ESR2: variants seen among roughly 807,000 people sequenced by gnomAD.
ESR2 encodes the protein estrogen receptor 2.
In ESR2, 36 loss-of-function variants were observed where a neutral mutation model predicts 49.6. The observed-to-expected ratio is 0.73, with a 90% confidence interval of 0.56 to 0.96. ESR2 has a LOEUF of 0.96. Ranked by LOEUF, ESR2 falls within the 40% of genes least tolerant of loss-of-function variation. The pLI, the probability that ESR2 is intolerant of heterozygous loss-of-function variation, is 0.00. For missense variants in ESR2, 714 were observed against 693.0 expected (o/e 1.03, Z -0.34); for synonymous variants, 320 against 266.1 (o/e 1.20, Z -1.97).
intron 5 of ESR2, among the ~76,000 whole-genome samples, chr14:64,257,749 G>A (rs2076133227): frequency 7.1e-6 from 1 of 140,114 alleles, no homozygotes; most frequent in African/African-American, 2.6e-5. Flanking sequence ...AGGGGTGGGG[G>A]ATGGGGTAGG....
intron 7 of ESR2, among the ~76,000 whole-genome samples, chr14:64,245,023 G>A (rs889763289): frequency 2.0e-5 from 3 of 152,032 alleles, no homozygotes; most frequent in Non-Finnish European, 2.9e-5. Context: ...TTTTAAGGCG[G>A]GGAGGCAGAT....
intron 4 of ESR2, among the ~76,000 whole-genome samples, chr14:64,266,944 G>A (rs1434740113): frequency 4.6e-5 from 7 of 152,134 alleles, no homozygotes; most frequent in South Asian, 2.1e-4. Context: ...GTAGTGGCGC[G>A]ATCTCGGCTC....
intron 1 of ESR2, among the ~76,000 whole-genome samples, chr14:64,314,832 C>G (rs962448264): frequency 9.6e-5 from 11 of 114,612 alleles, no homozygotes; most frequent in African/African-American, 3.6e-4. Flanking sequence ...GAGCCGAGAT[C>G]ACACTACTGC....
chr14:64,332,105 T>C (rs2077467396), intron 1 of ESR2: 1 of 152,224 alleles, frequency 6.6e-6, no homozygotes, highest in African/African-American at 2.4e-5. Flanking sequence ...CTATTATACA[T>C]CCAGCTATGG....
intron 1 of ESR2, among the ~76,000 whole-genome samples, chr14:64,322,056 AATT>A (rs979421757): frequency 2.0e-5 from 3 of 151,396 alleles, no homozygotes; most frequent in African/African-American, 2.4e-5. Context: ...TAAAAATAAA[AATT>A]ATTATTATTA....
intron 1 of ESR2, among the ~76,000 whole-genome samples, chr14:64,307,979 C>A (rs2077130127): frequency 6.6e-6 from 1 of 151,884 alleles, no homozygotes; most frequent in Non-Finnish European, 1.5e-5. Context: ...TTAACTTACT[C>A]TTTTTCTAAT....
chr14:64,260,188 A>G (rs757083136), intron 5 of ESR2: 1 of 717,618 alleles, frequency 1.4e-6, no homozygotes, highest in South Asian at 1.4e-5. Flanking sequence ...TGGGCCACGC[A>G]CAACTCTTTC....
rs528760968 is a variant in ESR2 at position 64,255,439 on chromosome 14, T to C, written c.1091+1787A>G. 1.2e-3 allele frequency among the ~76,000 whole-genome samples: 176 copies of C among 152,226 alleles called. 1 individual carries two copies. The highest frequency in any genetic ancestry group is 1.9e-3 in the South Asian group (9 of 4,824). Reference sequence around the variant, plus strand: ...GTGGGGAGAGTGGGTTTCTGCAGTGTGTTACAAGTAAAACAGGGCTGTTCT... The same window carrying C: ...GTGGGGAGAGTGGGTTTCTGCAGTGCGTTACAAGTAAAACAGGGCTGTTCT... On this transcript the variant is annotated intron_variant, in intron 6 of 8. Coordinates refer to ENST00000341099, the MANE Select transcript of ESR2 (RefSeq NM_001437.3).
intron 1 of ESR2, among the ~76,000 whole-genome samples, chr14:64,309,607 C>CAAAAAAAAAAAAAAAAAAA (rs545143689): frequency 4.4e-4 from 56 of 125,856 alleles, no homozygotes; most frequent in African/African-American, 1.7e-3. Flanking sequence ...AACTCCATCT[C>CAAAAAAAAAAAAAAAAAAA]AAAAAAAAAA....
At chr14:64,297,159 T>C (rs2076967199), upstream of ESR2, among the ~76,000 whole-genome samples, 3 of 152,206 alleles carry the variant, frequency 2.0e-5, no homozygotes, top group African/African-American at 7.2e-5. Flanking sequence ...CTCCAAAATA[T>C]CCTACAATGG....
At chr14:64,245,664 G>T (rs2075839906) in intron 7 of ESR2, among the ~76,000 whole-genome samples, 1 of 152,108 alleles carries the variant, frequency 6.6e-6, no homozygotes, top group African/African-American at 2.4e-5. Flanking sequence ...TGCTGCAGGG[G>T]AATGCTGTAG....
chr14:64,336,896 A>AT (rs2077538071), intron 1 of ESR2, among the ~76,000 whole-genome samples: 1 of 151,848 alleles, frequency 6.6e-6, no homozygotes, highest in Non-Finnish European at 1.5e-5. Context: ...CTTCATTCAG[A>AT]TTTTTCTCAT....
intron 3 of ESR2, among the ~76,000 whole-genome samples, chr14:64,274,084 T>C (rs1386783947): frequency 6.6e-6 from 1 of 151,936 alleles, no homozygotes; most frequent in African/African-American, 2.4e-5. Flanking sequence ...GGACTACAGA[T>C]GCATACCACC....
At chr14:64,302,422 C>T (rs1329182756) in intron 1 of ESR2, among the ~76,000 whole-genome samples, 3 of 151,718 alleles carry the variant, frequency 2.0e-5, no homozygotes, top group East Asian at 2.0e-4. Context: ...CTCTTGATCT[C>T]GTGATCCACC....
At position 64,228,940 on chromosome 14, in the gene ESR2, G is replaced by T. The variant is rs1303012268; in HGVS notation, c.*4197C>A. Among the ~76,000 whole-genome samples the T allele has an allele frequency of 6.6e-6, 1 of 152,154 alleles. No individual in the cohort carries two copies. The highest frequency in any genetic ancestry group is 1.5e-5 in the Non-Finnish European group (1 of 68,022). ...GTTTGAGAGCTATAAAGAATAAGTG[G>T]CACGTGTTTTCACACTGTAGTATAT... On this transcript the variant is annotated 3_prime_UTR_variant, in exon 9 of 9. Transcript: ENST00000341099.
At chr14:64,243,439 T>G (rs1189491333) in intron 7 of ESR2, among the ~76,000 whole-genome samples, 2 of 152,244 alleles carry the variant, frequency 1.3e-5, no homozygotes, top group African/African-American at 4.8e-5. Flanking sequence ...ACTAACAGAC[T>G]TGTTCAATGC....
At chr14:64,240,337 A>C (rs978827739) in intron 7 of ESR2, among the ~76,000 whole-genome samples, 1 of 152,238 alleles carries the variant, frequency 6.6e-6, no homozygotes, top group African/African-American at 2.4e-5. Flanking sequence ...AAACTCTGCT[A>C]TCCTAACATG....
At chr14:64,338,384 G>C (rs533512379), upstream of ESR2, 35 of 155,162 alleles carry the variant, frequency 2.3e-4, no homozygotes, top group African/African-American at 7.7e-4. Flanking sequence ...AGGCACTCCA[G>C]AGCAGAACGC....
intron 7 of ESR2, among the ~76,000 whole-genome samples, chr14:64,236,811 C>G (rs1408263865): frequency 2.0e-5 from 3 of 152,104 alleles, no homozygotes; most frequent in Non-Finnish European, 4.4e-5. Flanking sequence ...GAGGTGTCCC[C>G]TGATACTCTG....
Sources: gnomAD v4.1 joint callset for allele counts (sites outside exome capture counted in the v4.1 genomes callset) on GRCh38, gnomAD v4.1.1 for gene constraint, MANE v1.5 for transcripts, NCBI Gene and HGNC (gene_info 2026-07-23, HGNC 2026-07-21) for gene names.